Variants in SEC14L1 observed in about 807,000 individuals in gnomAD.
SEC14L1 encodes SEC14 like lipid binding 1, also known as SEC14-like protein 1.
SEC14L1 carries 48 observed loss-of-function variants against 85.3 expected under a neutral mutation model. The ratio of observed to expected loss-of-function variants is 0.56; its 90% confidence interval spans 0.45 to 0.72. The LOEUF is 0.72. SEC14L1 is among the 30% of genes least tolerant of loss of function. The pLI is 0.00. For synonymous variants in SEC14L1, 391 were observed against 355.5 expected (o/e 1.10, Z -1.12); for missense variants, 682 against 921.4 (o/e 0.74, Z 3.36).
At chr17:77,136,271 TTCTC>T (rs1044779100), upstream of SEC14L1, among the ~76,000 whole-genome samples, 2 of 151,504 alleles carry the variant, frequency 1.3e-5, no homozygotes, top group Non-Finnish European at 2.9e-5. Context: ...TTCTCTCTTT[TTCTC>T]TCTCTCTTCC....
intron 3 of SEC14L1, among the ~76,000 whole-genome samples, chr17:77,100,137 CTT>C (rs1221280414): frequency 6.6e-6 from 1 of 152,382 alleles, no homozygotes; most frequent in Admixed American, 6.5e-5. Flanking sequence ...CGCTGCTTCT[CTT>C]TGAGTCATCT....
upstream of SEC14L1, among the ~76,000 whole-genome samples, chr17:77,137,166 C>T (rs1972824663): frequency 6.6e-6 from 1 of 152,180 alleles, no homozygotes; most frequent in Admixed American, 6.5e-5. Flanking sequence ...GCCTTGGCCT[C>T]CCAAAGTGCT....
At chr17:77,104,301 T>G (rs2143331001) in intron 3 of SEC14L1, among the ~76,000 whole-genome samples, 1 of 150,556 alleles carries the variant, frequency 6.6e-6, no homozygotes, top group East Asian at 2.0e-4. Context: ...TTTTTGTATT[T>G]TTAGTAGAGA....
At chr17:77,175,293 CCAG>C (rs561445774) in intron 3 of SEC14L1, among the ~76,000 whole-genome samples, 23 of 152,260 alleles carry the variant, frequency 1.5e-4, no homozygotes, top group African/African-American at 4.1e-4. Flanking sequence ...GCACTCAGGC[CCAG>C]CAGATTCACA....
At chr17:77,098,358 G>A (rs778949233) in intron 3 of SEC14L1, among the ~76,000 whole-genome samples, 9 of 152,010 alleles carry the variant, frequency 5.9e-5, no homozygotes, top group Non-Finnish European at 1.0e-4. Flanking sequence ...AATTAGTCAG[G>A]CGTGGTGGTG....
chr17:77,159,457 T>G (rs955392006), intron 3 of SEC14L1, among the ~76,000 whole-genome samples: 4 of 150,370 alleles, frequency 2.7e-5, no homozygotes, highest in African/African-American at 9.8e-5. Context: ...CTCAGCTCAC[T>G]GCAACCTCTG....
chr17:77,182,007 G>A (rs146211970), intron 3 of SEC14L1, among the ~76,000 whole-genome samples: 95 of 152,130 alleles, frequency 6.2e-4, no homozygotes, highest in African/African-American at 2.0e-3. Context: ...GACTGAGGCC[G>A]TAGTTAGTTG....
chr17:77,195,261 G>T (rs997256007), intron 7 of SEC14L1, among the ~76,000 whole-genome samples: 9 of 151,766 alleles, frequency 5.9e-5, no homozygotes, highest in African/African-American at 7.3e-5. Flanking sequence ...CTCCCAAAGT[G>T]CTGGGATTAT....
chr17:77,126,021 C>T (rs1972437150), intron 3 of SEC14L1, among the ~76,000 whole-genome samples: 1 of 152,156 alleles, frequency 6.6e-6, no homozygotes, highest in African/African-American at 2.4e-5. Context: ...TATGGTGGCG[C>T]ATGCCTGTAA....
intron 10 of SEC14L1, among the ~76,000 whole-genome samples, chr17:77,204,084 C>T (rs1427583784): frequency 2.0e-5 from 3 of 152,176 alleles, no homozygotes; most frequent in African/African-American, 4.8e-5. Context: ...AGGCCCCGCT[C>T]CACTGCTGCC....
intron 2 of SEC14L1, among the ~76,000 whole-genome samples, chr17:77,092,778 G>A (rs1300343251): frequency 5.9e-5 from 9 of 151,734 alleles, no homozygotes; most frequent in Admixed American, 3.3e-4. Flanking sequence ...GAGAAACCCC[G>A]TCTTTACTAA....
chr17:77,156,706 A>G (rs1440797025), intron 3 of SEC14L1, among the ~76,000 whole-genome samples: 1 of 152,064 alleles, frequency 6.6e-6, no homozygotes, highest in Non-Finnish European at 1.5e-5. Flanking sequence ...CCATGACATA[A>G]TGAAAATTTT....
At chr17:77,198,824 G>A (rs9902791) in intron 8 of SEC14L1, 42,153 of 151,938 alleles carry the variant, frequency 0.28, 6,086 homozygotes, top group Middle Eastern at 0.33. Context: ...CACCCGCCTC[G>A]GCCTCCCAGA....
At chr17:77,117,084 A>G (rs999150070) in intron 3 of SEC14L1, among the ~76,000 whole-genome samples, 5 of 152,254 alleles carry the variant, frequency 3.3e-5, no homozygotes, top group African/African-American at 7.2e-5. Context: ...GCAGTGGCTC[A>G]TGCCTGTAAT....
Position 77,206,232 on chromosome 17 carries a change from A to G in SEC14L1, c.1173A>G (p.Ser391=), listed in dbSNP as rs182613536. ...CACATCTCTGCACAACCTGCAGCTC[A>G]TGGACCTGCCTGGTGGACTTGGAAG... ...NTKVFGRPIS[S]WTCLVDLEGL... is the part of the protein sequence containing the mutation. The change falls in exon 12 of 17, where the codon TCA becomes TCG. Residue 391 remains serine, a synonymous_variant. Coordinates refer to ENST00000436233, the MANE Select transcript of SEC14L1 (RefSeq NM_001143998.2). This position sits in a 1 kb window ranked among gnomAD's most constrained non-coding sequence, Gnocchi z 4.3. The G allele has an allele frequency of 8.7e-6, 14 of 1,613,888 alleles. No individual in the cohort carries two copies. In the East Asian group the frequency reaches 2.0e-4, roughly 23 times the overall value.
intron 3 of SEC14L1, among the ~76,000 whole-genome samples, chr17:77,174,581 C>T (rs894048496): frequency 2.0e-5 from 3 of 152,178 alleles, no homozygotes; most frequent in African/African-American, 4.8e-5. Flanking sequence ...TTTTCTCCCG[C>T]GTTGCTAAGC....
chr17:77,198,347 T>C (rs1247502853), intron 8 of SEC14L1, among the ~76,000 whole-genome samples: 2 of 152,184 alleles, frequency 1.3e-5, no homozygotes, highest in Non-Finnish European at 2.9e-5. Context: ...CAATCTCCAA[T>C]AGGCTTTAAG....
intron 3 of SEC14L1, among the ~76,000 whole-genome samples, chr17:77,170,797 T>C (rs977826965): frequency 2.6e-5 from 4 of 152,248 alleles, no homozygotes; most frequent in African/African-American, 9.6e-5. Context: ...GTGTATGATA[T>C]TCCCATTTTA....
At chr17:77,179,329 G>A (rs1364450480) in intron 3 of SEC14L1, among the ~76,000 whole-genome samples, 1 of 152,172 alleles carries the variant, frequency 6.6e-6, no homozygotes, top group African/African-American at 2.4e-5. Context: ...AAAATACTTG[G>A]AAGTGCAAAT....
Sources: allele counts gnomAD v4.1 joint callset (sites outside exome capture counted in the v4.1 genomes callset), GRCh38; gene constraint gnomAD v4.1.1; non-coding constraint Gnocchi (gnomAD v3.1); transcripts MANE v1.5; gene names NCBI Gene and HGNC (gene_info 2026-07-23, HGNC 2026-07-21).